Variants in IPO11 observed in about 807,000 individuals in gnomAD.
IPO11 encodes the protein importin-11.
A neutral mutation model predicts 143.2 loss-of-function variants in IPO11; 66 were observed. The ratio of observed to expected loss-of-function variants is 0.46; its 90% CI spans 0.38 to 0.57. IPO11 has a LOEUF of 0.57. Among genes scored for constraint, IPO11 ranks in the 20% least tolerant of loss-of-function variants. IPO11 has a pLI of 0.00. For synonymous variants in IPO11, 385 were observed against 377.8 expected (o/e 1.02, Z -0.22); for missense variants, 1,026 against 1,141.0 (o/e 0.90, Z 1.45).
intron 22 of IPO11, among the ~76,000 whole-genome samples, chr5:62,536,099 A>G (rs1225251803): frequency 6.6e-6 from 1 of 152,190 alleles, no homozygotes; most frequent in Admixed American, 6.5e-5. Context: ...TAAACATAAT[A>G]TAATTTTTTT....
chr5:62,611,479 G>A (rs1434512378), intron 29 of IPO11, among the ~76,000 whole-genome samples: 1 of 152,136 alleles, frequency 6.6e-6, no homozygotes, highest in African/African-American at 2.4e-5. Flanking sequence ...CCTTGAAAAT[G>A]CCTTTGGAAC....
chr5:62,476,150 G>A (rs1048824614), intron 8 of IPO11, among the ~76,000 whole-genome samples: 4 of 152,106 alleles, frequency 2.6e-5, no homozygotes, highest in Admixed American at 2.6e-4. Context: ...TGTGGGCGTA[G>A]CAGAAGGAAG....
chr5:62,546,181 A>G (rs900220134), intron 24 of IPO11, among the ~76,000 whole-genome samples: 2 of 152,214 alleles, frequency 1.3e-5, no homozygotes, highest in African/African-American at 4.8e-5. Context: ...CACAATAGCA[A>G]AGACTTGGAA....
intron 27 of IPO11, among the ~76,000 whole-genome samples, chr5:62,569,517 G>GT (rs1318219849): frequency 6.6e-6 from 1 of 152,076 alleles, no homozygotes; most frequent in Admixed American, 6.6e-5. Context: ...TATTGTTGAT[G>GT]TTTTTACTCA....
intron 5 of IPO11, among the ~76,000 whole-genome samples, chr5:62,455,917 G>T (rs564074326): frequency 1.6e-4 from 24 of 152,226 alleles, no homozygotes; most frequent in African/African-American, 5.3e-4. Context: ...TAGAGATAGG[G>T]TTTCGTCATG....
chr5:62,481,861 A>G (rs2112221136), intron 9 of IPO11, among the ~76,000 whole-genome samples: 1 of 152,310 alleles, frequency 6.6e-6, no homozygotes, highest in Middle Eastern at 3.4e-3. Context: ...TTCAGAAGGA[A>G]TGGTACCAGC....
intron 5 of IPO11, among the ~76,000 whole-genome samples, chr5:62,459,641 C>A (rs1745287728): frequency 6.6e-6 from 1 of 151,936 alleles, no homozygotes; most frequent in African/African-American, 2.4e-5. Flanking sequence ...ATCTCTGCCT[C>A]CCGGGTTCAA....
intron 19 of IPO11, among the ~76,000 whole-genome samples, chr5:62,513,256 C>G (rs1236081627): frequency 6.7e-6 from 1 of 150,042 alleles, no homozygotes. Flanking sequence ...GGTGGCCGGG[C>G]GGGGGGCTGA....
Position 62,615,160 on chromosome 5 carries a change from G to T in IPO11, c.2764-11994G>T, listed in dbSNP as rs552700638. ...AACTTTTGGGCATGAAAACAGGAGTGCCTGTTCCCATTTAGGGCCTCGAGT... is the reference window on the plus strand; with the variant it reads ...AACTTTTGGGCATGAAAACAGGAGTTCCTGTTCCCATTTAGGGCCTCGAGT... On this transcript the variant is annotated intron_variant, in intron 29 of 29. Coordinates refer to ENST00000325324, the MANE Select transcript of IPO11 (RefSeq NM_016338.5). Among the ~76,000 whole-genome samples, 7 of 152,284 alleles carry T rather than the reference G, an allele frequency of 4.6e-5. No homozygotes were observed. The South Asian group carries it at 1.5e-3, about 32-fold the overall frequency.
At position 62,435,074 on chromosome 5, in the gene IPO11, A is replaced by G. The variant is rs534921211; in HGVS notation, c.-6-2200A>G. Among the ~76,000 whole-genome samples the G allele has an allele frequency of 9.5e-4, 98 of 103,234 alleles. 2 individuals are homozygous for G. Among genetic ancestry groups the G allele is most frequent in the South Asian group, 1.3e-3 (4 of 3,122 alleles). The allele number at this position is 103,234 out of a possible 152,430, so 67.7% of individuals were successfully genotyped here. A position where few individuals can be genotyped will look rare whatever the true frequency, so the allele number is the denominator to read the frequency against. The stretch of plus-strand genomic sequence containing the variant: ...TGTATATATATATGTATATATATGT[A>G]TATATATGTGTATATATGTATATAT... On this transcript the variant is annotated intron_variant, in intron 1 of 29. Coordinates refer to ENST00000325324, the MANE Select transcript of IPO11 (RefSeq NM_016338.5).
Position 62,627,928 on chromosome 5 carries a change from T to C in IPO11, c.*610T>C, listed in dbSNP as rs1169018740. On this transcript the variant is annotated 3_prime_UTR_variant, in exon 30 of 30. Transcript: ENST00000325324. Reference sequence around the variant, plus strand: ...CATTCTAATAATTTGATACAGAAATTAGTAAAGGCATTTTTTTCTTTTTTT... The same window carrying C: ...CATTCTAATAATTTGATACAGAAATCAGTAAAGGCATTTTTTTCTTTTTTT... 6.6e-6 allele frequency: 1 copy of C among 152,358 alleles called. No homozygotes were observed. Among genetic ancestry groups the C allele is most frequent in the African/African-American group, 2.4e-5 (1 of 41,448 alleles). 9.4% of individuals were successfully genotyped at this position (152,358 alleles called of 1,614,324 possible). A position where few individuals can be genotyped will look rare whatever the true frequency, so the allele number is the denominator to read the frequency against.
chr5:62,424,090 C>T (rs1222458007), intron 1 of IPO11, among the ~76,000 whole-genome samples: 1 of 151,456 alleles, frequency 6.6e-6, no homozygotes, highest in East Asian at 1.9e-4. Flanking sequence ...GTGAATATGG[C>T]TCACTGCAGC....
chr5:62,482,490 T>G (rs1269019040), intron 9 of IPO11, among the ~76,000 whole-genome samples: 1 of 152,228 alleles, frequency 6.6e-6, no homozygotes, highest in Non-Finnish European at 1.5e-5. Flanking sequence ...CATTGTGTCT[T>G]TGTTCTCATT....
At chr5:62,601,172 T>C (rs937467801) in intron 28 of IPO11, 3 of 152,210 alleles carry the variant, frequency 2.0e-5, no homozygotes, top group Admixed American at 6.5e-5. Flanking sequence ...CCTGGAACCA[T>C]TGTTGACTGA....
chr5:62,619,356 C>G (rs1366805902), intron 29 of IPO11, among the ~76,000 whole-genome samples: 1 of 152,056 alleles, frequency 6.6e-6, no homozygotes, highest in Non-Finnish European at 1.5e-5. Context: ...ATAGATCATT[C>G]TATGCTAGTT....
chr5:62,475,107 C>A (rs1277278754), intron 8 of IPO11, among the ~76,000 whole-genome samples: 1 of 152,072 alleles, frequency 6.6e-6, no homozygotes, highest in African/African-American at 2.4e-5. Flanking sequence ...AGGAATTTGC[C>A]TTGTTGCCAG....
chr5:62,465,944 G>A (rs988300745), intron 5 of IPO11, among the ~76,000 whole-genome samples: 1 of 152,238 alleles, frequency 6.6e-6, no homozygotes, highest in African/African-American at 2.4e-5. Flanking sequence ...TTGCTGAGAA[G>A]CCAATTCTAG....
chr5:62,474,842 A>G (rs1244133104), intron 8 of IPO11, among the ~76,000 whole-genome samples: 5 of 152,170 alleles, frequency 3.3e-5, no homozygotes, highest in African/African-American at 4.8e-5. Context: ...CAAAATGGCT[A>G]CTAAGTGATT....
At chr5:62,574,020 G>A (rs1263164042) in intron 27 of IPO11, among the ~76,000 whole-genome samples, 1 of 152,098 alleles carries the variant, frequency 6.6e-6, no homozygotes, top group Non-Finnish European at 1.5e-5. Flanking sequence ...TGGTCCTTAA[G>A]GCATCCCATT....
Sources: gnomAD v4.1 joint callset for allele counts (sites outside exome capture counted in the v4.1 genomes callset) on GRCh38, gnomAD v4.1.1 for gene constraint, MANE v1.5 for transcripts, NCBI Gene and HGNC (gene_info 2026-07-23, HGNC 2026-07-21) for gene names.